Variants in MRTFA observed in about 807,000 individuals in gnomAD.
MRTFA encodes the protein myocardin-related transcription factor A.
Under a neutral mutation model 83.5 loss-of-function variants are expected in MRTFA, and 20 were observed. That is an observed-to-expected ratio of 0.24 (90% CI 0.17 to 0.35). MRTFA has a LOEUF of 0.35. Among genes scored for constraint, MRTFA ranks in the 10% least tolerant of loss-of-function variants. MRTFA has a pLI of 1.00. For synonymous variants in MRTFA, 659 were observed against 541.2 expected, an observed-to-expected ratio of 1.22 and a Z score of -3.02; for missense variants, 1,200 against 1,224.7, an observed-to-expected ratio of 0.98 and a Z score of 0.30.
chr22:40,543,698 T>A (rs1006676549), intron 3 of MRTFA, among the ~76,000 whole-genome samples: 3 of 151,938 alleles, frequency 2.0e-5, no homozygotes, highest in South Asian at 2.1e-4. Flanking sequence ...CAGAGAAAAA[T>A]TTTAAAAACC....
At chr22:40,537,016 GGGGGGTC>G (rs2055192444) in intron 3 of MRTFA, among the ~76,000 whole-genome samples, 1 of 75,876 alleles carries the variant, frequency 1.3e-5, no homozygotes, top group Non-Finnish European at 2.6e-5. Flanking sequence ...GGGAGGTGGG[GGGGGGTC>G]AGCCCCCCCG....
intron 3 of MRTFA, among the ~76,000 whole-genome samples, chr22:40,505,311 C>T (rs1231405410): frequency 1.3e-5 from 2 of 152,196 alleles, no homozygotes; most frequent in Admixed American, 6.5e-5. Flanking sequence ...CATCCTCTCT[C>T]ATACTGTATC....
intron 1 of MRTFA, among the ~76,000 whole-genome samples, chr22:40,630,353 T>C (rs932963946): frequency 5.3e-5 from 8 of 152,018 alleles, no homozygotes; most frequent in Non-Finnish European, 8.8e-5. Flanking sequence ...GGTACAGGCC[T>C]GGGTGTGGTA....
chr22:40,418,527 G>A lies in MRTFA; in HGVS notation c.2211C>T (p.Ala737=), dbSNP rs1281698349. 6.3e-7 allele frequency: 1 copy of A among 1,587,812 alleles called. No individual in the cohort carries two copies. The highest frequency in any genetic ancestry group is 8.5e-7 in the Non-Finnish European group (1 of 1,171,470). Residue 737 remains alanine, a synonymous_variant, in exon 12 of 15, where the codon GCC becomes GCT. Transcript: ENST00000355630. ...CCTGAGGCCCCAGAAGCAACTGGGG[G>A]GCGGGGACCGGCTCGGGCTCAGGCT...
At chr22:40,423,413 C>G (rs960153398) in intron 9 of MRTFA, 123 bp downstream of exon 9, 1 of 924,360 alleles carries the variant, frequency 1.1e-6, no homozygotes, top group Non-Finnish European at 1.5e-6. Flanking sequence ...AAGAAACTCC[C>G]AGACCAATGG....
At chr22:40,496,189 C>T (rs1469004409) in intron 3 of MRTFA, among the ~76,000 whole-genome samples, 1 of 152,158 alleles carries the variant, frequency 6.6e-6, no homozygotes, top group African/African-American at 2.4e-5. Context: ...TTTAACATCT[C>T]TATGCCTCCA....
chr22:40,490,339 G>A (rs1346718427), intron 3 of MRTFA, among the ~76,000 whole-genome samples: 1 of 152,102 alleles, frequency 6.6e-6, no homozygotes, highest in Non-Finnish European at 1.5e-5. Context: ...GATGGCTCAC[G>A]CCTGTAATCC....
intron 1 of MRTFA, among the ~76,000 whole-genome samples, chr22:40,625,282 T>A (rs1046192521): frequency 2.0e-5 from 3 of 151,162 alleles, no homozygotes; most frequent in African/African-American, 7.3e-5. Context: ...GAGATCAAGA[T>A]CAGCCTAGGC....
At chr22:40,459,830 C>CATCTATATATATATATATAT (rs2053672950) in intron 4 of MRTFA, among the ~76,000 whole-genome samples, 1 of 86,952 alleles carries the variant, frequency 1.2e-5, no homozygotes, top group African/African-American at 4.9e-5. Flanking sequence ...CACATATATA[C>CATCTATATATATATATATAT]ATATATATAT....
chr22:40,485,088 C>G (rs1240705406), intron 3 of MRTFA, among the ~76,000 whole-genome samples: 2 of 148,874 alleles, frequency 1.3e-5, no homozygotes, highest in African/African-American at 5.1e-5. Flanking sequence ...AAAAAAAAAT[C>G]TAAAAGAATG....
chr22:40,585,951 T>C (rs962019263), intron 2 of MRTFA, among the ~76,000 whole-genome samples: 2 of 152,164 alleles, frequency 1.3e-5, no homozygotes, highest in South Asian at 2.1e-4. Flanking sequence ...TGGAATAAAA[T>C]AGAAACGAGC....
intron 1 of MRTFA, among the ~76,000 whole-genome samples, chr22:40,623,328 T>A (rs1006536125): frequency 4.7e-5 from 7 of 149,596 alleles, no homozygotes; most frequent in African/African-American, 1.7e-4. Flanking sequence ...CTTTTTTTTT[T>A]ATTATTATTA....
chr22:40,559,648 C>T (rs889045362), intron 2 of MRTFA, among the ~76,000 whole-genome samples: 3 of 152,028 alleles, frequency 2.0e-5, no homozygotes, highest in South Asian at 2.1e-4. Flanking sequence ...CTCAAGCGAT[C>T]GCCCTACACT....
intron 1 of MRTFA, among the ~76,000 whole-genome samples, chr22:40,607,066 A>G (rs2056326260): frequency 6.6e-6 from 1 of 152,238 alleles, no homozygotes; most frequent in Non-Finnish European, 1.5e-5. Flanking sequence ...ACAGATACAC[A>G]ATAGAAAATT....
chr22:40,615,530 C>T (rs1377039833), intron 1 of MRTFA, among the ~76,000 whole-genome samples: 1 of 152,114 alleles, frequency 6.6e-6, no homozygotes, highest in Non-Finnish European at 1.5e-5. Flanking sequence ...TTGGGGAAGA[C>T]ACAATCTTTA....
intron 3 of MRTFA, among the ~76,000 whole-genome samples, chr22:40,506,300 TAAA>T (rs2054580044): frequency 1.3e-5 from 2 of 152,158 alleles, no homozygotes; most frequent in Non-Finnish European, 2.9e-5. Context: ...ATATAGTATA[TAAA>T]ATATAATCCC....
intron 4 of MRTFA, among the ~76,000 whole-genome samples, chr22:40,443,623 GA>G (rs1602250861): frequency 6.6e-6 from 1 of 152,124 alleles, no homozygotes; most frequent in Admixed American, 6.6e-5. Context: ...CAGCACAACA[GA>G]AAACTTTTAG....
At position 40,416,061 on chromosome 22, in the gene MRTFA, G is replaced by A. The variant is rs987787131; in HGVS notation, c.2578+925C>T. Among the ~76,000 whole-genome samples the A allele has an allele frequency of 1.3e-5, 2 of 152,108 alleles. No individual in the cohort carries two copies. The highest frequency in any genetic ancestry group is 2.4e-5 in the African/African-American group (1 of 41,422). ...ATGCCACTTGATGTCAACTGTCCCT[G>A]TGAACCCTCCATTCGGTCTCGTGAC... On this transcript the variant is annotated intron_variant, in intron 14 of 14. Transcript: ENST00000355630. The surrounding 1 kb of genome is among the most constrained non-coding windows in gnomAD (Gnocchi z 4.2).
intron 3 of MRTFA, among the ~76,000 whole-genome samples, chr22:40,479,734 A>G (rs1337794668): frequency 6.6e-6 from 1 of 152,220 alleles, no homozygotes; most frequent in African/African-American, 2.4e-5. Context: ...ATGTTCAACC[A>G]GCAAATATAT....
Sources: gnomAD v4.1 joint callset for allele counts (sites outside exome capture counted in the v4.1 genomes callset) on GRCh38, gnomAD v4.1.1 for gene constraint, Gnocchi (gnomAD v3.1) non-coding constraint, MANE v1.5 for transcripts, NCBI Gene and HGNC (gene_info 2026-07-23, HGNC 2026-07-21) for gene names.